FBXL2: variants seen among roughly 807,000 people sequenced by gnomAD.
FBXL2 encodes F-box/LRR-repeat protein 2.
In FBXL2, 38 loss-of-function variants were observed where a neutral mutation model predicts 69.2. The observed-to-expected ratio is 0.55, with a 90% confidence interval of 0.42 to 0.72. FBXL2 has a LOEUF of 0.72. Ranked by LOEUF, FBXL2 falls within the 30% of genes least tolerant of loss-of-function variation. The pLI is 0.00. For missense variants in FBXL2, 354 were observed against 520.3 expected (o/e 0.68, Z 3.11); for synonymous variants, 192 against 201.3 (o/e 0.95, Z 0.39).
rs368221996 is a variant in FBXL2 at position 33,373,124 on chromosome 3, A to G, written c.323A>G (p.His108Arg). 6.2e-7 allele frequency: 1 copy of G among 1,614,142 alleles called. No individual in the cohort carries two copies. The highest frequency in any genetic ancestry group is 8.5e-7 in the Non-Finnish European group (1 of 1,180,044). ...TFAQNCRNIE[H>R]LNLNGCTKIT... ...GCACAGAACTGCCGAAACATTGAACATTTGAACCTCAATGGATGCACAAAA... is the reference window on the plus strand; with the variant it reads ...GCACAGAACTGCCGAAACATTGAACGTTTGAACCTCAATGGATGCACAAAA... The change falls in exon 6 of 15, where the codon CAT becomes CGT. Residue 108 changes from histidine to arginine, a missense_variant. Transcript: ENST00000484457.
intron 2 of FBXL2, among the ~76,000 whole-genome samples, chr3:33,311,615 C>T (rs1333148983): frequency 1.3e-5 from 2 of 151,776 alleles, no homozygotes; most frequent in East Asian, 1.9e-4. Flanking sequence ...TTCTTAGCTA[C>T]GGAATTTGTT....
chr3:33,282,548 A>T (rs1340053810), intron 1 of FBXL2, among the ~76,000 whole-genome samples: 1 of 152,168 alleles, frequency 6.6e-6, no homozygotes, highest in Non-Finnish European at 1.5e-5. Context: ...TTGGTTCCAT[A>T]TAAACTTTAA....
intron 2 of FBXL2, among the ~76,000 whole-genome samples, chr3:33,333,286 G>A (rs1013600429): frequency 1.3e-5 from 2 of 152,226 alleles, no homozygotes; most frequent in South Asian, 2.1e-4. Flanking sequence ...TAACTATGTC[G>A]AGGATTTGAT....
chr3:33,326,841 G>A (rs2038737610), intron 2 of FBXL2, among the ~76,000 whole-genome samples: 1 of 152,156 alleles, frequency 6.6e-6, no homozygotes, highest in Non-Finnish European at 1.5e-5. Flanking sequence ...CCTAGGGCCT[G>A]GCATCACTTT....
chr3:33,318,111 CTTTTGTTTTG>C (rs140940372), intron 2 of FBXL2, among the ~76,000 whole-genome samples: 1 of 151,804 alleles, frequency 6.6e-6, no homozygotes, highest in Non-Finnish European at 1.5e-5. Context: ...CCCCAGACGT[CTTTTGTTTTG>C]TTTTGTTTTG....
chr3:33,297,919 C>T, intron 2 of FBXL2, 194 bp downstream of exon 2: 1 of 633,982 alleles, frequency 1.6e-6, no homozygotes, highest in South Asian at 1.6e-5. Flanking sequence ...CCAGAATGTA[C>T]TAAGTATGTA....
At chr3:33,408,743 T>C in the FBXL2 span, 2 of 1,614,046 alleles carry the variant, frequency 1.2e-6, no homozygotes, top group South Asian at 2.2e-5. Flanking sequence ...GTCCGCTTGC[T>C]GGACTTTTTC....
At chr3:33,294,527 A>C (rs575957683) in intron 1 of FBXL2, among the ~76,000 whole-genome samples, 3 of 152,182 alleles carry the variant, frequency 2.0e-5, no homozygotes, top group Non-Finnish European at 4.4e-5. Context: ...GAACTTTATA[A>C]ATGTAAATGC....
intron 2 of FBXL2, among the ~76,000 whole-genome samples, chr3:33,354,024 C>CTAG (rs1350445201): frequency 1.3e-5 from 2 of 152,144 alleles, no homozygotes. Flanking sequence ...GGCAAAACCT[C>CTAG]TAGAACTAAC....
intron 9 of FBXL2, 128 bp from the exon 10 acceptor site, chr3:33,375,160 T>A: frequency 9.1e-7 from 1 of 1,100,598 alleles, no homozygotes; most frequent in South Asian, 1.5e-5. Context: ...CTTATTTTGT[T>A]GAAGTTATTT....
chr3:33,355,599 C>T (rs1021352997), intron 2 of FBXL2, among the ~76,000 whole-genome samples: 2 of 152,140 alleles, frequency 1.3e-5, no homozygotes, highest in African/African-American at 4.8e-5. Context: ...ATTATTAAAG[C>T]TTCATAATTA....
chr3:33,289,467 A>G (rs183288443), intron 1 of FBXL2, among the ~76,000 whole-genome samples: 157 of 152,314 alleles, frequency 1.0e-3, no homozygotes, highest in African/African-American at 3.6e-3. Context: ...TAAAAAACCT[A>G]TCAGAGTTGA....
intron 2 of FBXL2, among the ~76,000 whole-genome samples, chr3:33,307,277 C>G (rs554186891): frequency 6.6e-6 from 1 of 152,074 alleles, no homozygotes; most frequent in Non-Finnish European, 1.5e-5. Flanking sequence ...ATTTATAACC[C>G]GAATCTAATC....
downstream of FBXL2, chr3:33,390,308 T>C (rs751735173): frequency 4.4e-6 from 7 of 1,606,838 alleles, no homozygotes; most frequent in Non-Finnish European, 6.0e-6. Flanking sequence ...TGGTACTGAA[T>C]ACAGTTCAGT....
chr3:33,359,178 A>G (rs991879320), intron 3 of FBXL2, 105 bp from the exon 4 acceptor site: 39 of 1,053,506 alleles, frequency 3.7e-5, no homozygotes, highest in Admixed American at 7.6e-5. Flanking sequence ...ATATACATCA[A>G]AAATAGGAGT....
At chr3:33,331,443 A>G (rs1353656008) in intron 2 of FBXL2, among the ~76,000 whole-genome samples, 1 of 152,148 alleles carries the variant, frequency 6.6e-6, no homozygotes, top group African/African-American at 2.4e-5. Context: ...CCACTACACC[A>G]TGCAGGGACC....
chr3:33,416,943 T>C, the FBXL2 span: 115 of 948,940 alleles, frequency 1.2e-4, no homozygotes, highest in South Asian at 4.3e-4. Context: ...AATGATAGTT[T>C]GTTAATTTGC....
chr3:33,414,225 G>A, the FBXL2 span: 7 of 151,112 alleles, frequency 4.6e-5, no homozygotes, highest in South Asian at 2.1e-4. Context: ...AAAAAAGAAC[G>A]GAAAGGAAAA....
intron 1 of FBXL2, among the ~76,000 whole-genome samples, chr3:33,291,904 T>G (rs1012208437): frequency 1.3e-5 from 2 of 152,188 alleles, no homozygotes; most frequent in African/African-American, 4.8e-5. Context: ...TAAAGTAGTG[T>G]GGTACAACTA....
Sources: allele counts gnomAD v4.1 joint callset (sites outside exome capture counted in the v4.1 genomes callset), GRCh38; gene constraint gnomAD v4.1.1; transcripts MANE v1.5; gene names NCBI Gene and HGNC (gene_info 2026-07-23, HGNC 2026-07-21).